UVSSA: variants seen among roughly 807,000 people sequenced by gnomAD.
UVSSA encodes the protein UV-stimulated scaffold protein A.
In UVSSA, 72 loss-of-function variants were observed where a neutral mutation model predicts 73.9. The ratio of observed to expected loss-of-function variants is 0.97; its 90% CI spans 0.81 to 1.19. The LOEUF (loss-of-function observed/expected upper bound fraction) is 1.19. UVSSA is among the 50% of genes most tolerant of loss of function. The pLI, the probability that UVSSA is intolerant of heterozygous loss-of-function variation, is 0.00. For synonymous variants in UVSSA, 454 were observed against 391.3 expected (o/e 1.16, Z -1.89); for missense variants, 1,150 against 965.0 (o/e 1.19, Z -2.54).
chr4:1,369,376 C>G (rs28406425), intron 8 of UVSSA, among the ~76,000 whole-genome samples: 1 of 152,152 alleles, frequency 6.6e-6, no homozygotes, highest in African/African-American at 2.4e-5. Context: ...GTGCCGGAGG[C>G]GGGGACCAGG....
rs12511541 is a variant in UVSSA at position 1,376,807 on chromosome 4, G to A, written c.1568+639G>A. On this transcript the variant is annotated intron_variant, in intron 10 of 13. Transcript: ENST00000389851. ...TCGGGGGAACAGGGCCCCTGCCGCC[G>A]CCTCAGCTCCTGCCGCAGGACGGTT... 1.1e-3 allele frequency among the ~76,000 whole-genome samples: 173 copies of A among 152,236 alleles called. 2 individuals are homozygous for A. In the South Asian group the frequency reaches 0.033, roughly 29 times the overall value.
Position 1,386,113 on chromosome 4 carries a change from C to T in UVSSA, c.*152C>T, listed in dbSNP as rs537516641. 8.7e-5 allele frequency: 70 copies of T among 807,462 alleles called. No homozygotes were observed. Among genetic ancestry groups the T allele is most frequent in the South Asian group, 8.5e-4 (51 of 59,854 alleles). The allele number at this position is 807,462 out of a possible 1,614,324, so 50.0% of individuals were successfully genotyped here. Reference sequence around the variant, plus strand: ...GGTGTGTTGCAATGCCCTGAAGGTACGGCCGCTCTGCTGCTACAGGGTTCG... The same window carrying T: ...GGTGTGTTGCAATGCCCTGAAGGTATGGCCGCTCTGCTGCTACAGGGTTCG... On this transcript the variant is annotated 3_prime_UTR_variant, in exon 14 of 14. Transcript: ENST00000389851.
chr4:1,359,536 G>A (rs1560446267), intron 7 of UVSSA: 1 of 152,140 alleles, frequency 6.6e-6, no homozygotes, highest in Non-Finnish European at 1.5e-5. Context: ...CTTAAGCATC[G>A]TTCTCTTTAG....
upstream of UVSSA, among the ~76,000 whole-genome samples, chr4:1,343,078 T>C (rs1713487295): frequency 6.6e-6 from 1 of 152,122 alleles, no homozygotes; most frequent in Non-Finnish European, 1.5e-5. Context: ...TCATCCCTAT[T>C]TGGGGACGGT....
chr4:1,354,905 G>GT (rs951954797), intron 6 of UVSSA, 58 bp downstream of exon 6: 2 of 1,480,262 alleles, frequency 1.4e-6, no homozygotes, highest in Admixed American at 3.8e-5. Flanking sequence ...GCCATGCATG[G>GT]GGGGGGTCCC....
chr4:1,365,821 G>A (rs1420825752), intron 7 of UVSSA, among the ~76,000 whole-genome samples: 4 of 151,612 alleles, frequency 2.6e-5, no homozygotes, highest in Non-Finnish European at 5.9e-5. Flanking sequence ...CGGGGGCACC[G>A]CAGACGCACC....
intron 4 of UVSSA, among the ~76,000 whole-genome samples, chr4:1,352,257 G>A (rs1328021949): frequency 6.6e-6 from 1 of 152,246 alleles, no homozygotes; most frequent in Non-Finnish European, 1.5e-5. Context: ...AGAGTGTGAG[G>A]AGGGGGTGCC....
intron 10 of UVSSA, among the ~76,000 whole-genome samples, chr4:1,379,401 C>T (rs1370013074): frequency 6.6e-6 from 1 of 152,196 alleles, no homozygotes; most frequent in Non-Finnish European, 1.5e-5. Context: ...GCACACCCAG[C>T]CCCCCCATCC....
Position 1,349,749 on chromosome 4 carries a change from G to C in UVSSA, c.324G>C (p.Arg108Ser), listed in dbSNP as rs771993581. 1.2e-5 allele frequency: 20 copies of C among 1,611,268 alleles called. No individual in the cohort carries two copies. Among genetic ancestry groups the C allele is most frequent in the Non-Finnish European group, 1.6e-5 (19 of 1,178,462 alleles). The part of the protein sequence containing the change: ...PLPPPREAAQ[R>S]LRQATTRAVE... The stretch of plus-strand genomic sequence containing the variant: ...CGCCCCCCAGGGAGGCGGCACAGAG[G>C]CTGAGGCAGGCGACCACCCGGGCCG... Residue 108 changes from arginine to serine, a missense_variant, in exon 3 of 14, where the codon AGG (arginine) becomes AGC (serine). Physicochemically the swap from Arg to Ser is moderately radical, Grantham distance 110 (BLOSUM62 -1). Transcript: ENST00000389851.
At chr4:1,379,310 G>T (rs1358827999) in intron 10 of UVSSA, among the ~76,000 whole-genome samples, 9 of 152,216 alleles carry the variant, frequency 5.9e-5, no homozygotes, top group Non-Finnish European at 8.8e-5. Flanking sequence ...CTGTGTGAGG[G>T]CCCCTCAGAC....
At chr4:1,395,356 C>A in exon 14 of UVSSA, 1 of 1,547,354 alleles carries the variant, frequency 6.5e-7, no homozygotes, top group Non-Finnish European at 8.7e-7. Context: ...CCCGCCTGCT[C>A]ACATGTGCCG....
In UVSSA at chr4:1,376,096, CG is replaced by C; in HGVS notation, c.1497del (p.Pro500LeufsTer84). The C allele has an allele frequency of 6.2e-7, 1 of 1,604,406 alleles. No homozygotes were observed. The highest frequency in any genetic ancestry group is 8.5e-7 in the Non-Finnish European group (1 of 1,176,074). ...AAGCTGGCAGCAGAGCGGGCCCGGG[CG>C]CCTGTGGTGCCCTACGGCGTGGACC... ...AQKLAAERAR[A>X]PVVPYGVDLH... On this transcript the variant is annotated frameshift_variant, in exon 10 of 14. Transcript: ENST00000389851. LOFTEE classifies it high-confidence loss of function.
In UVSSA at chr4:1,349,833, C is replaced by G; in HGVS notation, c.408C>G (p.His136Gln). The G allele has an allele frequency of 6.4e-7, 1 of 1,556,416 alleles. No individual in the cohort carries two copies. The highest frequency in any genetic ancestry group is 8.7e-7 in the Non-Finnish European group (1 of 1,151,754). ...EAYKKLALGY[H>Q]FLRHNKKVDF... ...ACAAGAAGCTTGCCTTGGGCTACCACTTCTTAAGACACAACAAAAAGGTAG... is the reference window on the plus strand; with the variant it reads ...ACAAGAAGCTTGCCTTGGGCTACCAGTTCTTAAGACACAACAAAAAGGTAG... Residue 136 changes from histidine (H) to glutamine (Q), a missense_variant, in exon 3 of 14, where the codon CAC (histidine) becomes CAG (glutamine). By Grantham distance (24) the His-to-Gln change is conservative. Transcript: ENST00000389851.
intron 7 of UVSSA, among the ~76,000 whole-genome samples, chr4:1,361,573 G>T (rs944886347): frequency 6.6e-6 from 1 of 152,234 alleles, no homozygotes; most frequent in Non-Finnish European, 1.5e-5. Flanking sequence ...CTTCCCGCAC[G>T]CTTGCTGCAG....
chr4:1,377,135 G>C (rs796416062), intron 10 of UVSSA, among the ~76,000 whole-genome samples: 14 of 151,202 alleles, frequency 9.3e-5, no homozygotes, highest in African/African-American at 3.0e-4. Context: ...TCCAGAGAGC[G>C]GGGGGGCAGG....
rs1309293754 is a variant in UVSSA at position 1,366,324 on chromosome 4, A to G, written c.1181A>G (p.Glu394Gly). The change falls in exon 8 of 14, where the codon GAA becomes GGA. Residue 394 changes from glutamate to glycine, a missense_variant. Glu to Gly is a moderately conservative substitution (Grantham distance 98). Transcript: ENST00000389851. ...EPEGGERRRTEALGDAEEDED... is the reference protein window; with the variant it reads ...EPEGGERRRTGALGDAEEDED... ...TATTGGGGTGTTTTTCCACAGACAGAAGCCCTGGGGGATGCGGAGGAAGAT... is the reference window on the plus strand; with the variant it reads ...TATTGGGGTGTTTTTCCACAGACAGGAGCCCTGGGGGATGCGGAGGAAGAT... The G allele has an allele frequency of 6.2e-7, 1 of 1,610,874 alleles. No homozygotes were observed. The highest frequency in any genetic ancestry group is 8.5e-7 in the Non-Finnish European group (1 of 1,178,482).
exon 14 of UVSSA, chr4:1,394,734 C>T (rs1174942594): frequency 1.3e-6 from 2 of 1,597,592 alleles, no homozygotes; most frequent in Admixed American, 1.7e-5. Flanking sequence ...TGTGGAGTGC[C>T]CACCTGCTCA....
intron 8 of UVSSA, among the ~76,000 whole-genome samples, chr4:1,368,651 A>G (rs1717641109): frequency 6.6e-6 from 1 of 152,180 alleles, no homozygotes; most frequent in South Asian, 2.1e-4. Context: ...CTGCAGGTAC[A>G]CCGAGCCTCA....
At chr4:1,372,327 G>C (rs1362235748) in intron 8 of UVSSA, among the ~76,000 whole-genome samples, 4 of 152,180 alleles carry the variant, frequency 2.6e-5, no homozygotes, top group Non-Finnish European at 4.4e-5. Flanking sequence ...CTGGCGGCCT[G>C]TCACGCGTCC....
Sources: allele counts gnomAD v4.1 joint callset (sites outside exome capture counted in the v4.1 genomes callset), GRCh38; gene constraint gnomAD v4.1.1; transcripts MANE v1.5; gene names NCBI Gene and HGNC (gene_info 2026-07-23, HGNC 2026-07-21).